CDH8: variants seen among roughly 807,000 people sequenced by gnomAD.
CDH8 encodes the protein cadherin 8.
CDH8 carries 17 observed loss-of-function variants against 68.1 expected under a neutral mutation model. The observed-to-expected ratio is 0.25, with a 90% confidence interval of 0.17 to 0.37. CDH8 has a LOEUF of 0.37. CDH8 is among the 10% of genes least tolerant of loss of function. The pLI, the probability that CDH8 is intolerant of heterozygous loss-of-function variation, is 1.00. For synonymous variants in CDH8, 372 were observed against 365.1 expected (o/e 1.02, Z -0.21); for missense variants, 763 against 999.3 (o/e 0.76, Z 3.19).
intron 2 of CDH8, 61 bp from the exon 3 acceptor site, chr16:61,901,534 ACCT>A: frequency 1.7e-6 from 2 of 1,212,068 alleles, no homozygotes; most frequent in Non-Finnish European, 2.3e-6. Context: ...TTTTTTAACT[ACCT>A]CCTTTTTGAA....
chr16:61,831,762 G>C (rs1000656155), intron 4 of CDH8, among the ~76,000 whole-genome samples: 4 of 151,806 alleles, frequency 2.6e-5, no homozygotes, highest in African/African-American at 9.7e-5. Context: ...GCTGATTACT[G>C]TAATTCACTC....
chr16:61,764,344 A>G (rs1300565601), intron 8 of CDH8, among the ~76,000 whole-genome samples: 1 of 152,098 alleles, frequency 6.6e-6, no homozygotes, highest in African/African-American at 2.4e-5. Flanking sequence ...TTAGCTGAGA[A>G]AGGAGTAGAT....
At chr16:61,863,665 A>G (rs1963197406) in intron 3 of CDH8, among the ~76,000 whole-genome samples, 1 of 152,182 alleles carries the variant, frequency 6.6e-6, no homozygotes, top group Non-Finnish European at 1.5e-5. Flanking sequence ...GTCATTTGCA[A>G]TACATTTTTA....
chr16:62,012,693 A>G (rs1901841641), intron 2 of CDH8, among the ~76,000 whole-genome samples: 1 of 152,184 alleles, frequency 6.6e-6, no homozygotes, highest in Admixed American at 6.5e-5. Flanking sequence ...ATCCAACCAC[A>G]TATATTGGCG....
intron 8 of CDH8, among the ~76,000 whole-genome samples, chr16:61,743,969 G>A (rs1052169230): frequency 6.6e-6 from 1 of 152,084 alleles, no homozygotes; most frequent in African/African-American, 2.4e-5. Context: ...AATAATTTAA[G>A]TTTTTGTTGT....
intron 3 of CDH8, among the ~76,000 whole-genome samples, chr16:61,884,061 G>T (rs1963627147): frequency 6.6e-6 from 1 of 152,262 alleles, no homozygotes; most frequent in Admixed American, 6.5e-5. Context: ...TCCCACTGGT[G>T]TGGGTTTTCT....
chr16:61,867,361 T>C (rs181205240), intron 3 of CDH8, among the ~76,000 whole-genome samples: 4 of 152,304 alleles, frequency 2.6e-5, no homozygotes, highest in South Asian at 4.1e-4. Context: ...TCTTGCTTTC[T>C]ACAAGGGTAG....
At chr16:61,928,707 A>G (rs1053813334) in intron 2 of CDH8, among the ~76,000 whole-genome samples, 1 of 152,222 alleles carries the variant, frequency 6.6e-6, no homozygotes, top group Non-Finnish European at 1.5e-5. Flanking sequence ...GGGTGATATA[A>G]GGACTCTTTA....
intron 9 of CDH8, chr16:61,725,435 T>A (rs1959325867): frequency 6.6e-6 from 1 of 150,802 alleles, no homozygotes; most frequent in Non-Finnish European, 1.5e-5. Context: ...ATCTGATGAG[T>A]TTTGCATGAG....
At chr16:61,792,717 G>A (rs1207884549) in intron 7 of CDH8, among the ~76,000 whole-genome samples, 1 of 151,928 alleles carries the variant, frequency 6.6e-6, no homozygotes, top group African/African-American at 2.4e-5. Context: ...AACACATAAA[G>A]GGCTTATCTT....
intron 2 of CDH8, among the ~76,000 whole-genome samples, chr16:61,937,403 C>T (rs377246067): frequency 1.8e-4 from 27 of 152,176 alleles, no homozygotes; most frequent in African/African-American, 5.8e-4. Flanking sequence ...TAGCAAAAAT[C>T]AAACTGACAA....
chr16:61,995,827 GA>G (rs2150592704), intron 2 of CDH8, among the ~76,000 whole-genome samples: 1 of 152,254 alleles, frequency 6.6e-6, no homozygotes, highest in Non-Finnish European at 1.5e-5. Flanking sequence ...TTAAAAGGAT[GA>G]AGGAAAAATT....
intron 4 of CDH8, among the ~76,000 whole-genome samples, chr16:61,836,229 A>G (rs1026598353): frequency 1.2e-4 from 18 of 151,848 alleles, no homozygotes; most frequent in African/African-American, 4.4e-4. Context: ...CACACAAGCA[A>G]TACAAGTAGT....
chr16:61,681,921 C>T (rs1369216446), intron 10 of CDH8, among the ~76,000 whole-genome samples: 2 of 151,784 alleles, frequency 1.3e-5, no homozygotes, highest in Non-Finnish European at 2.9e-5. Context: ...CTGGATGATG[C>T]TAACGGTATT....
intron 9 of CDH8, among the ~76,000 whole-genome samples, chr16:61,720,780 G>T (rs969819389): frequency 2.0e-5 from 3 of 150,746 alleles, no homozygotes; most frequent in Non-Finnish European, 3.0e-5. Flanking sequence ...CAATAGATTT[G>T]TCTATTATAT....
At chr16:61,664,643 T>C (rs1467309093) in intron 10 of CDH8, among the ~76,000 whole-genome samples, 1 of 151,940 alleles carries the variant, frequency 6.6e-6, no homozygotes, top group Non-Finnish European at 1.5e-5. Flanking sequence ...TGGGCATGAC[T>C]CATATCATGA....
intron 5 of CDH8, among the ~76,000 whole-genome samples, chr16:61,822,205 C>CTTTTTTTTTTT (rs71707137): frequency 4.4e-5 from 2 of 45,648 alleles, no homozygotes; most frequent in Non-Finnish European, 7.2e-5. Context: ...AAAAACGCAC[C>CTTTTTTTTTTT]TTTTTTTTTT....
chr16:61,648,016 C>G lies in CDH8; in HGVS notation c.*5592G>C. 1 of 584,322 alleles carries G rather than the reference C, an allele frequency of 1.7e-6. No individual in the cohort carries two copies. The highest frequency in any genetic ancestry group is 2.1e-5 in the South Asian group (1 of 47,870). The allele number at this position is 584,322 out of a possible 1,614,324, so 36.2% of individuals were successfully genotyped here. A position where few individuals can be genotyped will look rare whatever the true frequency, so the allele number is the denominator to read the frequency against. ...GTTGGGGAAATAGTACCCAAAGGCA[C>G]TATTTTCACCAGCAAATGCCTACTA... On this transcript the variant is annotated 3_prime_UTR_variant, in exon 12 of 12. Coordinates refer to ENST00000577390, the MANE Select transcript of CDH8 (RefSeq NM_001796.5).
chr16:61,693,990 T>C (rs1377088496), intron 10 of CDH8, among the ~76,000 whole-genome samples: 1 of 152,146 alleles, frequency 6.6e-6, no homozygotes, highest in Non-Finnish European at 1.5e-5. Flanking sequence ...ATCCTTAAAA[T>C]CATTTTTATG....
Sources: gnomAD v4.1 joint callset for allele counts (sites outside exome capture counted in the v4.1 genomes callset) on GRCh38, gnomAD v4.1.1 for gene constraint, MANE v1.5 for transcripts, NCBI Gene and HGNC (gene_info 2026-07-23, HGNC 2026-07-21) for gene names.